Variants in FFAR1 observed in about 807,000 individuals in gnomAD.
FFAR1 encodes the protein G-protein coupled receptor 40.
For synonymous variants in FFAR1, 216 were observed against 201.5 expected, an observed-to-expected ratio of 1.07 and a Z score of -0.61; for missense variants, 424 against 396.2, an observed-to-expected ratio of 1.07 and a Z score of -0.60.
At chr19:35,351,437 C>A, upstream of FFAR1, 1 of 895,536 alleles carries the variant, frequency 1.1e-6, no homozygotes, top group Non-Finnish European at 1.7e-6. Context: ...TAATTCTCCA[C>A]ACAGGGCTGG....
At chr19:35,352,554 C>T in exon 1 of FFAR1, 1 of 1,322,950 alleles carries the variant, frequency 7.6e-7, no homozygotes, top group Non-Finnish European at 1.0e-6. Flanking sequence ...GCAGCCTGGC[C>T]CGGAGGCCTC....
chr19:35,350,142 A>G (rs182605143), upstream of FFAR1, among the ~76,000 whole-genome samples: 5 of 152,252 alleles, frequency 3.3e-5, no homozygotes, highest in Non-Finnish European at 7.4e-5. Context: ...TGGGGGCCAC[A>G]ACCTGGGCCC....
chr19:35,348,206 A>T (rs553440497), upstream of FFAR1, among the ~76,000 whole-genome samples: 1 of 152,226 alleles, frequency 6.6e-6, no homozygotes, highest in Middle Eastern at 3.4e-3. Flanking sequence ...TCTAGGAATT[A>T]TGGTTCAGGG....
chr19:35,352,420 C>T (rs1163775121), exon 1 of FFAR1: 1 of 1,554,730 alleles, frequency 6.4e-7, no homozygotes, highest in East Asian at 2.4e-5. Context: ...ACAGTGTGTG[C>T]GGCAAGAACG....
At chr19:35,348,814 G>A (rs1014001392), upstream of FFAR1, among the ~76,000 whole-genome samples, 6 of 152,200 alleles carry the variant, frequency 3.9e-5, no homozygotes, top group Non-Finnish European at 5.9e-5. Context: ...GAGCCGCCAA[G>A]GGTTTTTAAG....
upstream of FFAR1, among the ~76,000 whole-genome samples, chr19:35,350,229 C>G (rs2066938295): frequency 6.6e-6 from 1 of 152,186 alleles, no homozygotes; most frequent in Admixed American, 6.5e-5. Context: ...CTGGGAAGGT[C>G]GGAAGCCACC....
upstream of FFAR1, chr19:35,351,445 TG>T (rs2066943786): frequency 4.1e-6 from 4 of 983,092 alleles, no homozygotes; most frequent in Admixed American, 2.1e-5. Flanking sequence ...CACACAGGGC[TG>T]GAACCCGCGA....
chr19:35,350,600 C>G (rs991664404), upstream of FFAR1, among the ~76,000 whole-genome samples: 25 of 152,136 alleles, frequency 1.6e-4, no homozygotes, highest in African/African-American at 5.6e-4. Context: ...CAGACAGGAC[C>G]CCAATTCCTC....
chr19:35,351,628 C>A, exon 1 of FFAR1: 1 of 1,543,948 alleles, frequency 6.5e-7, no homozygotes, highest in Non-Finnish European at 8.7e-7. Flanking sequence ...AACGTCCTGG[C>A]CATCCGAGGC....
chr19:35,349,379 T>A (rs2066935208), upstream of FFAR1, among the ~76,000 whole-genome samples: 1 of 152,170 alleles, frequency 6.6e-6, no homozygotes, highest in Non-Finnish European at 1.5e-5. Context: ...GAAAACCCAA[T>A]GGCTCCCCAG....
chr19:35,349,834 A>G (rs142276828), upstream of FFAR1, among the ~76,000 whole-genome samples: 968 of 152,318 alleles, frequency 6.4e-3, 4 homozygotes, highest in Middle Eastern at 0.014. Context: ...AGACACGGGC[A>G]CATTGAGAGA....
At chr19:35,352,723 C>T in exon 1 of FFAR1, 1 of 533,660 alleles carries the variant, frequency 1.9e-6, no homozygotes, top group Non-Finnish European at 3.4e-6. Flanking sequence ...CTCCCCTCTG[C>T]ACGTCCTCAC....
chr19:35,353,350 G>C (rs1003765756), exon 1 of FFAR1: 1 of 152,074 alleles, frequency 6.6e-6, no homozygotes, highest in Admixed American at 6.6e-5. Flanking sequence ...TTAGCTGGGC[G>C]TGGTGGTGCG....
At chr19:35,352,099 G>T in exon 1 of FFAR1, 1 of 1,612,492 alleles carries the variant, frequency 6.2e-7, no homozygotes, top group Non-Finnish European at 8.5e-7. Flanking sequence ...GGCCCGGCCC[G>T]CTTCAGCCTC....
chr19:35,352,873 C>A (rs1271422596), exon 1 of FFAR1: 2 of 225,026 alleles, frequency 8.9e-6, no homozygotes, highest in Non-Finnish European at 8.9e-6. Context: ...CAGGAGAGAA[C>A]ATTTGATTTC....
upstream of FFAR1, among the ~76,000 whole-genome samples, chr19:35,350,706 G>A (rs2066940580): frequency 6.6e-6 from 1 of 152,188 alleles, no homozygotes; most frequent in South Asian, 2.1e-4. Flanking sequence ...GCTCACCCAA[G>A]CTGCTAGAAC....
At chr19:35,353,110 T>A (rs1254936851) in exon 1 of FFAR1, 1 of 154,606 alleles carries the variant, frequency 6.5e-6, no homozygotes, top group Non-Finnish European at 1.4e-5. Flanking sequence ...TGTGCATGAC[T>A]TTGACTCCCC....
At chr19:35,349,500 G>T (rs1020290123), upstream of FFAR1, among the ~76,000 whole-genome samples, 3 of 152,242 alleles carry the variant, frequency 2.0e-5, no homozygotes, top group Non-Finnish European at 4.4e-5. Context: ...CCAGTTCTCC[G>T]CTCACAGCGG....
chr19:35,352,431 C>T lies in FFAR1; in HGVS notation c.880C>T (p.Gln294Ter). The change falls in exon 1 of 1, where the codon CAA becomes TAA. Residue 294 changes from glutamine to a stop codon, truncating the protein, a stop_gained. Transcript: ENST00000246553. LOFTEE classifies it high-confidence loss of function. ...GAAGACAGTGTGTGCGGCAAGAACG[C>T]AAGGGGGCAAGTCCCAGAAGTAACG... 1.9e-6 allele frequency: 3 copies of T among 1,554,276 alleles called. No individual in the cohort carries two copies. The highest frequency in any genetic ancestry group is 2.6e-6 in the Non-Finnish European group (3 of 1,148,588).
Sources: allele counts gnomAD v4.1 joint callset (sites outside exome capture counted in the v4.1 genomes callset), GRCh38; gene constraint gnomAD v4.1.1; transcripts MANE v1.5; gene names NCBI Gene and HGNC (gene_info 2026-07-23, HGNC 2026-07-21).